The following TMEM131 variants were observed in gnomAD, a reference collection of about 807,000 sequenced individuals.
The protein encoded by TMEM131 is 2610524E03Rik.
A neutral mutation model predicts 211.6 loss-of-function variants in TMEM131; 66 were observed. The observed-to-expected ratio is 0.31, with a 90% CI of 0.26 to 0.38. The LOEUF (loss-of-function observed/expected upper bound fraction) is 0.38. TMEM131 is among the 10% of genes least tolerant of loss of function. The pLI, the probability that TMEM131 is intolerant of heterozygous loss-of-function variation, is 1.00. For synonymous variants in TMEM131, 844 were observed against 841.3 expected, an observed-to-expected ratio of 1.00 and a Z score of -0.06; for missense variants, 2,036 against 2,299.3, an observed-to-expected ratio of 0.89 and a Z score of 2.34.
intron 1 of TMEM131, among the ~76,000 whole-genome samples, chr2:97,956,770 T>C (rs944039221): frequency 6.6e-6 from 1 of 152,180 alleles, no homozygotes; most frequent in Admixed American, 6.5e-5. Context: ...TAATAGTTTA[T>C]TCTCCATCTC....
At chr2:97,883,244 T>C (rs902499486) in intron 4 of TMEM131, among the ~76,000 whole-genome samples, 1 of 152,252 alleles carries the variant, frequency 6.6e-6, no homozygotes, top group Non-Finnish European at 1.5e-5. Flanking sequence ...ATTCAGACTA[T>C]AGCGAAGTTT....
chr2:97,974,358 G>A (rs1293924017), intron 1 of TMEM131, among the ~76,000 whole-genome samples: 1 of 152,122 alleles, frequency 6.6e-6, no homozygotes, highest in Non-Finnish European at 1.5e-5. Context: ...ACTTCAAGCT[G>A]TCTAATGCCT....
chr2:97,987,074 C>T (rs1307968699), intron 1 of TMEM131, among the ~76,000 whole-genome samples: 2 of 152,234 alleles, frequency 1.3e-5, no homozygotes, highest in Non-Finnish European at 2.9e-5. Context: ...GTTGGCTATG[C>T]TATTTCTCAA....
intron 11 of TMEM131, among the ~76,000 whole-genome samples, chr2:97,830,153 A>AC: frequency 6.6e-6 from 1 of 150,948 alleles, no homozygotes; most frequent in Admixed American, 6.6e-5. Flanking sequence ...AAAAAAAAAA[A>AC]AAACCAAACC....
chr2:97,779,962 G>A (rs1331528114), intron 31 of TMEM131, among the ~76,000 whole-genome samples: 3 of 152,104 alleles, frequency 2.0e-5, no homozygotes, highest in East Asian at 1.9e-4. Context: ...TGAGGTTATA[G>A]TGAGTTATGA....
chr2:97,936,249 A>G (rs1269471027), intron 1 of TMEM131, among the ~76,000 whole-genome samples: 1 of 152,214 alleles, frequency 6.6e-6, no homozygotes, highest in Non-Finnish European at 1.5e-5. Context: ...TTAAAAGGAA[A>G]AGTTGGGAAT....
rs139525363 is a variant in TMEM131, at chr2:97,922,321, C to A, written c.249+5105G>T. Among the ~76,000 whole-genome samples, 390 of 152,278 alleles carry A rather than the reference C, an allele frequency of 2.6e-3. 3 individuals carry two copies. Among genetic ancestry groups the A allele is most frequent in the African/African-American group, 8.8e-3 (367 of 41,552 alleles). On this transcript the variant is annotated intron_variant, in intron 2 of 40. Coordinates refer to ENST00000186436, the MANE Select transcript of TMEM131 (RefSeq NM_015348.2). ...GTTCCTAACAGGCCACAGACCGGTA[C>A]TGGTCCATGGCATGGGGGTTGGGGA...
chr2:97,969,944 T>C (rs1254287393), intron 1 of TMEM131, among the ~76,000 whole-genome samples: 1 of 152,172 alleles, frequency 6.6e-6, no homozygotes. Flanking sequence ...CCCAGGAAGG[T>C]CAAAGTTAGT....
chr2:97,981,370 G>A (rs952633202), intron 1 of TMEM131, among the ~76,000 whole-genome samples: 6 of 152,118 alleles, frequency 3.9e-5, no homozygotes, highest in African/African-American at 9.7e-5. Flanking sequence ...GGTGAAAACC[G>A]TAACATATAT....
intron 1 of TMEM131, among the ~76,000 whole-genome samples, chr2:97,970,165 G>A (rs557578478): frequency 2.0e-5 from 3 of 152,250 alleles, no homozygotes; most frequent in African/African-American, 4.8e-5. Flanking sequence ...ATACTGAAAC[G>A]GAATGCAAAA....
intron 39 of TMEM131, 67 bp from the exon 40 acceptor site, chr2:97,759,120 C>A: frequency 6.3e-7 from 1 of 1,589,156 alleles, no homozygotes; most frequent in Admixed American, 1.7e-5. Context: ...GCATATGGGG[C>A]TTCACTCAAT....
At chr2:97,944,102 A>G (rs1325593557) in intron 1 of TMEM131, among the ~76,000 whole-genome samples, 1 of 152,134 alleles carries the variant, frequency 6.6e-6, no homozygotes, top group Non-Finnish European at 1.5e-5. Flanking sequence ...AAATAAATAA[A>G]TAAAAGATAA....
intron 11 of TMEM131, among the ~76,000 whole-genome samples, chr2:97,819,495 A>G (rs189018146): frequency 4.6e-4 from 70 of 152,304 alleles, no homozygotes; most frequent in African/African-American, 1.6e-3. Flanking sequence ...AATTTCCAAT[A>G]TTGATGTTTT....
At chr2:97,963,044 A>G (rs1449169029) in intron 1 of TMEM131, among the ~76,000 whole-genome samples, 1 of 152,216 alleles carries the variant, frequency 6.6e-6, no homozygotes, top group African/African-American at 2.4e-5. Context: ...GCACAGGGGA[A>G]CTTTCTGAGA....
At chr2:97,923,628 TAAAAA>T (rs71386040) in intron 2 of TMEM131, among the ~76,000 whole-genome samples, 295 of 30,184 alleles carry the variant, frequency 9.8e-3, no homozygotes, top group Non-Finnish European at 0.018. Context: ...TCTTTTTTTT[TAAAAA>T]AAAAAAAAAA....
intron 1 of TMEM131, among the ~76,000 whole-genome samples, chr2:97,942,205 C>G (rs6734701): frequency 0.025 from 3,737 of 151,812 alleles, 162 homozygotes; most frequent in African/African-American, 0.087. Context: ...AACCATCGTT[C>G]TGAGCAAACT....
chr2:97,820,092 G>C (rs1020408331), intron 11 of TMEM131, among the ~76,000 whole-genome samples: 1 of 152,226 alleles, frequency 6.6e-6, no homozygotes, highest in African/African-American at 2.4e-5. Context: ...TTCGTTCACA[G>C]GGTCTGAAAT....
intron 1 of TMEM131, among the ~76,000 whole-genome samples, chr2:97,948,383 A>G (rs1469883806): frequency 6.6e-6 from 1 of 152,202 alleles, no homozygotes; most frequent in Non-Finnish European, 1.5e-5. Flanking sequence ...AAAAAATGCA[A>G]AAAAGATGTG....
chr2:97,762,011 C>A, intron 36 of TMEM131, 24 bp downstream of exon 36: 1 of 1,532,212 alleles, frequency 6.5e-7, no homozygotes, highest in Non-Finnish European at 8.7e-7. Context: ...AAGCTGAGAA[C>A]CGGAAAGGAA....
Sources: gnomAD v4.1 joint callset for allele counts (sites outside exome capture counted in the v4.1 genomes callset) on GRCh38, gnomAD v4.1.1 for gene constraint, MANE v1.5 for transcripts, NCBI Gene and HGNC (gene_info 2026-07-23, HGNC 2026-07-21) for gene names.